Variants in RBM27 observed in about 807,000 individuals in gnomAD.
RBM27 encodes RNA-binding protein 27.
A neutral mutation model predicts 135.3 loss-of-function variants in RBM27; 22 were observed. The observed-to-expected ratio is 0.16, with a 90% confidence interval of 0.12 to 0.23. RBM27 has a LOEUF of 0.23. Among genes scored for constraint, RBM27 ranks in the 10% least tolerant of loss-of-function variants. The pLI is 1.00. For missense variants in RBM27, 1,009 were observed against 1,281.0 expected (o/e 0.79, Z 3.24); for synonymous variants, 481 against 442.4 (o/e 1.09, Z -1.10).
intron 19 of RBM27, among the ~76,000 whole-genome samples, chr5:146,283,069 TA>T (rs1759431182): frequency 6.6e-6 from 1 of 152,242 alleles, no homozygotes; most frequent in African/African-American, 2.4e-5. Context: ...ATTACAGATT[TA>T]AAAATCTTTA....
At position 146,233,762 on chromosome 5, in the gene RBM27, A is replaced by T. The variant is rs753230801; in HGVS notation, c.1144+19A>T. 2.9e-6 allele frequency: 4 copies of T among 1,361,726 alleles called. No individual in the cohort carries two copies. The highest frequency in any genetic ancestry group is 1.9e-6 in the Non-Finnish European group (2 of 1,049,828). 84.4% of individuals were successfully genotyped at this position (1,361,726 alleles called of 1,614,324 possible). A position where few individuals can be genotyped will look rare whatever the true frequency, so the allele number is the denominator to read the frequency against. On this transcript the variant is annotated intron_variant, in intron 7 of 20. Transcript: ENST00000265271. ...ATACCAAGTAAGTATATATTTGTTG[A>T]ATTTTTCTCTAGCGTTCTGTTTAGA...
chr5:146,268,658 G>T (rs530039467), intron 15 of RBM27, among the ~76,000 whole-genome samples: 2 of 152,194 alleles, frequency 1.3e-5, no homozygotes, highest in African/African-American at 4.8e-5. Context: ...TCATGGCCCA[G>T]TGCAGCCTTG....
chr5:146,260,430 C>G (rs1304346334), intron 11 of RBM27, among the ~76,000 whole-genome samples: 1 of 152,082 alleles, frequency 6.6e-6, no homozygotes, highest in Non-Finnish European at 1.5e-5. Flanking sequence ...TACTATGTTC[C>G]CCAGACTGGT....
At chr5:146,261,042 C>A (rs1758374480) in intron 12 of RBM27, 144 bp downstream of exon 12, 2 of 779,222 alleles carry the variant, frequency 2.6e-6, no homozygotes, top group East Asian at 2.6e-5. Context: ...TATCTATATA[C>A]CCACTTTTAT....
At chr5:146,232,406 A>C (rs995245486) in intron 6 of RBM27, among the ~76,000 whole-genome samples, 2 of 152,214 alleles carry the variant, frequency 1.3e-5, no homozygotes, top group African/African-American at 4.8e-5. Flanking sequence ...GCGTATGTAC[A>C]TAAGTAAATA....
chr5:146,207,951 G>GTTT (rs11401604), intron 1 of RBM27, among the ~76,000 whole-genome samples: 1,779 of 81,176 alleles, frequency 0.022, 82 homozygotes, highest in African/African-American at 0.066. Flanking sequence ...GGCCTAACAG[G>GTTT]TTTTTTTTTT....
intron 1 of RBM27, among the ~76,000 whole-genome samples, chr5:146,209,477 G>A (rs997112831): frequency 6.6e-6 from 1 of 152,102 alleles, no homozygotes; most frequent in South Asian, 2.1e-4. Context: ...CAGCAATAAG[G>A]TTAATAGACT....
chr5:146,266,153 C>CG lies in RBM27; in HGVS notation c.2332-1496_2332-1495insG, dbSNP rs376897028. Reference sequence around the variant, plus strand: ...AAACTAAGGAGGGTGTCAAAGATTACTAGAGTCCTGTCAAAGAGAAAAACA... The same window carrying CG: ...AAACTAAGGAGGGTGTCAAAGATTACGTAGAGTCCTGTCAAAGAGAAAAACA... On this transcript the variant is annotated intron_variant, in intron 14 of 20. Coordinates refer to ENST00000265271, the MANE Select transcript of RBM27 (RefSeq NM_018989.2). Among the ~76,000 whole-genome samples, 555 of 152,228 alleles carry CG rather than the reference C, an allele frequency of 3.6e-3. 2 individuals carry two copies. Among genetic ancestry groups the CG allele is most frequent in the African/African-American group, 0.013 (537 of 41,522 alleles).
chr5:146,228,716 T>C (rs953089758), intron 3 of RBM27, among the ~76,000 whole-genome samples: 2 of 152,116 alleles, frequency 1.3e-5, no homozygotes, highest in Admixed American at 6.6e-5. Context: ...TCCTCCCATA[T>C]TGGCCTCCTG....
intron 1 of RBM27, among the ~76,000 whole-genome samples, chr5:146,205,433 A>T (rs1755595686): frequency 6.6e-6 from 1 of 152,128 alleles, no homozygotes; most frequent in South Asian, 2.1e-4. Context: ...TGTTTTTCGG[A>T]GGTGAAAATA....
chr5:146,225,072 G>A (rs11953506), intron 3 of RBM27, among the ~76,000 whole-genome samples: 35,234 of 152,022 alleles, frequency 0.23, 4,606 homozygotes, highest in Admixed American at 0.34. Context: ...TATTATCTGT[G>A]TTCAGTTTTA....
chr5:146,226,243 G>T (rs969036992), intron 3 of RBM27, among the ~76,000 whole-genome samples: 1 of 151,932 alleles, frequency 6.6e-6, no homozygotes, highest in South Asian at 2.1e-4. Flanking sequence ...TTGGTCTATG[G>T]TATAGATTAT....
chr5:146,269,225 C>A lies in RBM27; in HGVS notation c.2470C>A (p.Gln824Lys), dbSNP rs1227934094. 6.2e-7 allele frequency: 1 copy of A among 1,605,156 alleles called. No individual in the cohort carries two copies. The highest frequency in any genetic ancestry group is 1.1e-5 in the South Asian group (1 of 89,926). Residue 824 changes from glutamine to lysine, a missense_variant, in exon 16 of 21, where the codon CAA (glutamine) becomes AAA (lysine). Physicochemically the swap from Gln to Lys is moderately conservative, Grantham distance 53 (BLOSUM62 1). Coordinates refer to ENST00000265271, the MANE Select transcript of RBM27 (RefSeq NM_018989.2). Reference protein sequence around the residue: ...KKKQEAMKLQQDMRKKRQEVL... With the variant: ...KKKQEAMKLQKDMRKKRQEVL... The stretch of plus-strand genomic sequence containing the variant: ...TATACAGGAAGCAATGAAGTTACAA[C>A]AAGATATGAGGAAAAAAAGACAGGA...
intron 17 of RBM27, among the ~76,000 whole-genome samples, 158 bp downstream of exon 17, chr5:146,269,742 CT>C (rs34783557): frequency 0.012 from 1,381 of 118,930 alleles, 11 homozygotes; most frequent in African/African-American, 0.022. Flanking sequence ...ATTATAGTAC[CT>C]TTTTTTTTTT....
chr5:146,267,857 T>C (rs1235043841), intron 15 of RBM27, 89 bp downstream of exon 15: 4 of 1,341,142 alleles, frequency 3.0e-6, no homozygotes, highest in South Asian at 2.6e-5. Flanking sequence ...TCAGTTCATG[T>C]TGGCAGGGCA....
chr5:146,215,518 A>C (rs1333619021), intron 1 of RBM27, among the ~76,000 whole-genome samples: 1 of 152,180 alleles, frequency 6.6e-6, no homozygotes, highest in Non-Finnish European at 1.5e-5. Flanking sequence ...ATTTTCTTCC[A>C]TTCTTATTTA....
chr5:146,249,574 C>CT (rs1412469110), intron 8 of RBM27, among the ~76,000 whole-genome samples: 1 of 150,654 alleles, frequency 6.6e-6, no homozygotes, highest in Non-Finnish European at 1.5e-5. Flanking sequence ...GAAATCCCAG[C>CT]TACTAGGGAG....
At chr5:146,240,203 C>T (rs1254443289) in intron 8 of RBM27, among the ~76,000 whole-genome samples, 1 of 151,832 alleles carries the variant, frequency 6.6e-6, no homozygotes, top group South Asian at 2.1e-4. Flanking sequence ...AACTTTCCCC[C>T]CCAATCTTCT....
At chr5:146,281,219 C>G (rs553558471) in intron 19 of RBM27, among the ~76,000 whole-genome samples, 1 of 152,040 alleles carries the variant, frequency 6.6e-6, no homozygotes, top group South Asian at 2.1e-4. Context: ...AAATGGCCCC[C>G]GAATGTAGTT....
Sources: gnomAD v4.1 joint callset for allele counts (sites outside exome capture counted in the v4.1 genomes callset) on GRCh38, gnomAD v4.1.1 for gene constraint, MANE v1.5 for transcripts, NCBI Gene and HGNC (gene_info 2026-07-23, HGNC 2026-07-21) for gene names.